PXN: variants seen among roughly 807,000 people sequenced by gnomAD.
PXN encodes testicular tissue protein Li 134.
A neutral mutation model predicts 103.6 loss-of-function variants in PXN; 61 were observed. The observed-to-expected ratio is 0.59, with a 90% CI of 0.48 to 0.73. The LOEUF (loss-of-function observed/expected upper bound fraction) is 0.73. PXN is among the 30% of genes least tolerant of loss of function. The pLI is 0.00. For synonymous variants in PXN, 562 were observed against 607.8 expected (o/e 0.92, Z 1.11); for missense variants, 1,274 against 1,460.3 (o/e 0.87, Z 2.08).
At chr12:120,245,940 C>T (rs1483282634) in intron 1 of PXN, among the ~76,000 whole-genome samples, 1 of 151,826 alleles carries the variant, frequency 6.6e-6, no homozygotes. Flanking sequence ...TTACATTATA[C>T]GTGAAATGGT....
intron 1 of PXN, among the ~76,000 whole-genome samples, chr12:120,254,640 T>A (rs1027619037): frequency 6.6e-6 from 1 of 150,390 alleles, no homozygotes; most frequent in African/African-American, 2.5e-5. Context: ...AACCTCCGCC[T>A]CCCAGGTTCA....
chr12:120,213,367 G>C lies in PXN; in HGVS notation c.2979+475C>G, dbSNP rs148382068. Among the ~76,000 whole-genome samples the C allele has an allele frequency of 6.6e-6, 1 of 151,620 alleles. No individual in the cohort carries two copies. Among genetic ancestry groups the C allele is most frequent in the Non-Finnish European group, 1.5e-5 (1 of 67,934 alleles). On this transcript the variant is annotated intron_variant, in intron 14 of 14. Transcript: ENST00000637617. This position sits in a 1 kb window ranked among gnomAD's most constrained non-coding sequence, Gnocchi z 4.2. ...TGCACACCAGTCTGGGCAACAGAGT[G>C]AGACTCCGTCTCAAAAAAAGAAAAG...
chr12:120,239,309 C>T (rs537557785), intron 1 of PXN, among the ~76,000 whole-genome samples: 2 of 151,962 alleles, frequency 1.3e-5, no homozygotes, highest in South Asian at 2.1e-4. Context: ...TTAGGCCAGG[C>T]GGGGTGGCTC....
intron 7 of PXN, among the ~76,000 whole-genome samples, chr12:120,218,080 C>G (rs1356526190): frequency 8.3e-6 from 1 of 120,204 alleles, no homozygotes; most frequent in African/African-American, 3.2e-5. Flanking sequence ...GTGTCTTGAT[C>G]TGTTGCTCAG....
chr12:120,216,620 T>C lies in PXN; in HGVS notation c.1993-39A>G. Reference sequence around the variant, plus strand: ...AGGAGGGAGAGCGATGAGGAAGAAATCGCCAGCTCAGCCCACAGGGGTGGC... The same window carrying C: ...AGGAGGGAGAGCGATGAGGAAGAAACCGCCAGCTCAGCCCACAGGGGTGGC... On this transcript the variant is annotated intron_variant, in intron 8 of 14. Coordinates refer to ENST00000637617, the MANE Select transcript of PXN (RefSeq NM_001385981.1). The surrounding 1 kb of genome is among the most constrained non-coding windows in gnomAD (Gnocchi z 5.1). 6.0e-6 allele frequency: 9 copies of C among 1,507,240 alleles called. No homozygotes were observed. The highest frequency in any genetic ancestry group is 7.0e-6 in the Non-Finnish European group (8 of 1,144,436). 93.4% of individuals were successfully genotyped at this position (1,507,240 alleles called of 1,614,324 possible). A position where few individuals can be genotyped will look rare whatever the true frequency, so the allele number is the denominator to read the frequency against.
Position 120,238,220 on chromosome 12 carries a change from C to T in PXN, c.14-13843G>A, listed in dbSNP as rs187226941. ...CTTTCAGTCTGGCTAGTGGAGTTCACGTGTAGGTATATCAAGGTGCAGGGG... is the reference window on the plus strand; with the variant it reads ...CTTTCAGTCTGGCTAGTGGAGTTCATGTGTAGGTATATCAAGGTGCAGGGG... On this transcript the variant is annotated intron_variant, in intron 1 of 14. Transcript: ENST00000637617. 9.2e-5 allele frequency among the ~76,000 whole-genome samples: 14 copies of T among 152,232 alleles called. No homozygotes were observed. The East Asian group carries it at 2.1e-3, about 23-fold the overall frequency.
intron 1 of PXN, among the ~76,000 whole-genome samples, chr12:120,253,859 A>G (rs557624219): frequency 5.9e-5 from 9 of 152,246 alleles, no homozygotes; most frequent in Non-Finnish European, 1.2e-4. Context: ...TATATGTACT[A>G]TATACATATA....
chr12:120,226,544 G>A, intron 1 of PXN: 7 of 1,223,004 alleles, frequency 5.7e-6, no homozygotes, highest in Non-Finnish European at 7.3e-6. Flanking sequence ...TTTGAATCAG[G>A]GACTCCACCA....
chr12:120,263,396 G>A (rs1416516114), intron 1 of PXN, among the ~76,000 whole-genome samples: 1 of 152,186 alleles, frequency 6.6e-6, no homozygotes, highest in African/African-American at 2.4e-5. Flanking sequence ...GGGAGTCTAT[G>A]GTAGAAAGCA....
rs2136320094 is a variant in PXN at position 120,223,767 on chromosome 12, T to C, written c.307A>G (p.Ser103Gly). ...KTSSVSNPQD[S>G]VGSPCSRVGE... ...ACTCGGGAGCACGGAGAGCCAACAC[T>C]GTCCTGAGGGTTGGAGACACTGGAA... Residue 103 changes from serine (S) to glycine (G), a missense_variant, in exon 3 of 15, where the codon AGT (serine) becomes GGT (glycine). Physicochemically the swap from Ser to Gly is moderately conservative, Grantham distance 56 (BLOSUM62 0). Transcript: ENST00000637617. 5.0e-6 allele frequency: 8 copies of C among 1,609,956 alleles called. No homozygotes were observed. Among genetic ancestry groups the C allele is most frequent in the Non-Finnish European group, 6.8e-6 (8 of 1,178,274 alleles).
chr12:120,235,990 A>G (rs1888965963), intron 1 of PXN, among the ~76,000 whole-genome samples: 1 of 152,222 alleles, frequency 6.6e-6, no homozygotes, highest in South Asian at 2.1e-4. Context: ...AACACGGGAC[A>G]GCCAGCAAGA....
At chr12:120,239,346 G>A (rs920601789) in intron 1 of PXN, among the ~76,000 whole-genome samples, 7 of 152,200 alleles carry the variant, frequency 4.6e-5, no homozygotes, top group African/African-American at 1.4e-4. Context: ...CACTTTGGGA[G>A]GCTGAGGCAG....
Position 120,212,332 on chromosome 12 carries a change from G to A in PXN, c.3228C>T (p.Phe1076=). Residue 1076 remains phenylalanine, a synonymous_variant, in exon 15 of 15, where the codon TTC becomes TTT. Coordinates refer to ENST00000637617, the MANE Select transcript of PXN (RefSeq NM_001385981.1). This position sits in a 1 kb window ranked among gnomAD's most constrained non-coding sequence, Gnocchi z 7.2. The stretch of plus-strand genomic sequence containing the variant: ...AGGGCACCTAGCAGAAGAGCTTGAG[G>A]AAGCAGTTCTGACAGTAAGGCTTGT... The part of the protein sequence containing the change: ...QNDKPYCQNC[F]LKLFC 1 of 1,613,640 alleles carries A rather than the reference G, an allele frequency of 6.2e-7. No homozygotes were observed. Among genetic ancestry groups the A allele is most frequent in the Middle Eastern group, 1.6e-4 (1 of 6,062 alleles).
Position 120,215,604 on chromosome 12 carries a change from G to C in PXN, c.2359C>G (p.Arg787Gly). The C allele has an allele frequency of 6.2e-7, 1 of 1,610,678 alleles. No individual in the cohort carries two copies. The highest frequency in any genetic ancestry group is 8.5e-7 in the Non-Finnish European group (1 of 1,178,770). Residue 787 changes from arginine (R) to glycine (G), a missense_variant, in exon 10 of 15, where the codon CGG (arginine) becomes GGG (glycine). Arg to Gly is a moderately radical substitution (Grantham distance 125). This residue lies in a region of PXN where 1,178 missense variants were observed against 1,309.0 expected (regional missense o/e 0.90). Coordinates refer to ENST00000637617, the MANE Select transcript of PXN (RefSeq NM_001385981.1). The surrounding 1 kb of genome is among the most constrained non-coding windows in gnomAD (Gnocchi z 4.9). The part of the protein sequence containing the change: ...GERCWAAGWP[R>G]DGGRSSPGGQ... Reference sequence around the variant, plus strand: ...CCGGGGCTGCTCCGCCCGCCGTCCCGAGGCCAGCCGGCCGCCCAGCACCGC... The same window carrying C: ...CCGGGGCTGCTCCGCCCGCCGTCCCCAGGCCAGCCGGCCGCCCAGCACCGC...
Position 120,224,310 on chromosome 12 carries a change from CT to C in PXN, c.80del (p.Glu27GlyfsTer40). 6.2e-7 allele frequency: 1 copy of C among 1,613,992 alleles called. No individual in the cohort carries two copies. ...HISKRPVFLS[E>X]ETPYSYPTGN... Reference sequence around the variant, plus strand: ...CAGTTGGGTATGAGTAGGGGGTCTCCTCCGACAAGAACACAGGCCGTTTGGA... The same window carrying C: ...CAGTTGGGTATGAGTAGGGGGTCTCCCCGACAAGAACACAGGCCGTTTGGA... On this transcript the variant is annotated frameshift_variant, in exon 2 of 15. Transcript: ENST00000637617. LOFTEE classifies it high-confidence loss of function. This position sits in a 1 kb window ranked among gnomAD's most constrained non-coding sequence, Gnocchi z 5.0.
At position 120,219,633 on chromosome 12, in the gene PXN, G is replaced by T; in HGVS notation, c.1290C>A (p.Ala430=). 6.4e-7 allele frequency: 1 copy of T among 1,572,380 alleles called. No individual in the cohort carries two copies. The highest frequency in any genetic ancestry group is 2.3e-5 in the East Asian group (1 of 43,406). ...PPASPSCPEE[A]LAATWEQPWA... is the part of the protein sequence containing the mutation. ...ATGGCTGCTCCCATGTGGCAGCCAA[G>T]GCCTCCTCTGGGCACGAAGGGCTGG... Residue 430 remains alanine (A), a synonymous_variant, in exon 7 of 15, where the codon GCC becomes GCA. Coordinates refer to ENST00000637617, the MANE Select transcript of PXN (RefSeq NM_001385981.1). This position sits in a 1 kb window ranked among gnomAD's most constrained non-coding sequence, Gnocchi z 6.5.
intron 1 of PXN, among the ~76,000 whole-genome samples, chr12:120,231,039 G>C (rs1479277226): frequency 6.6e-6 from 1 of 152,204 alleles, no homozygotes; most frequent in African/African-American, 2.4e-5. Flanking sequence ...TGAAGAGGAG[G>C]AGGATGGGGA....
intron 1 of PXN, among the ~76,000 whole-genome samples, chr12:120,244,649 G>GCAAA (rs1890746603): frequency 7.8e-6 from 1 of 127,554 alleles, no homozygotes. Context: ...CTCCGTCTCG[G>GCAAA]AAAAAAAAAA....
rs371292196 is a variant in PXN at position 120,244,647 on chromosome 12, C to T, written c.14-20270G>A. On this transcript the variant is annotated intron_variant, in intron 1 of 14. Transcript: ENST00000637617. ...TGGATGACAGAGTGAGACTCCGTCT[C>T]GGAAAAAAAAAAAAAAAATACAAAA... Among the ~76,000 whole-genome samples, 8 of 140,560 alleles carry T rather than the reference C, an allele frequency of 5.7e-5. No individual in the cohort carries two copies. In the East Asian group the frequency reaches 1.0e-3, roughly 18 times the overall value. 92.2% of individuals were successfully genotyped at this position (140,560 alleles called of 152,430 possible).
Sources: gnomAD v4.1 joint callset for allele counts (sites outside exome capture counted in the v4.1 genomes callset) on GRCh38, gnomAD v4.1.1 for gene constraint, gnomAD v4.1.1 regional missense constraint, Gnocchi (gnomAD v3.1) non-coding constraint, MANE v1.5 for transcripts, NCBI Gene and HGNC (gene_info 2026-07-23, HGNC 2026-07-21) for gene names.